The following IGSF10 variants were observed in gnomAD, a reference collection of about 807,000 sequenced individuals.
IGSF10 encodes calvaria mechanical force protein 608.
Under a neutral mutation model 128.2 loss-of-function variants are expected in IGSF10, and 126 were observed. The observed-to-expected ratio is 0.98, with a 90% CI of 0.85 to 1.14. IGSF10 has a LOEUF of 1.14. Among genes scored for constraint, IGSF10 ranks in the 50% most tolerant of loss-of-function variants. The probability of loss-of-function intolerance (pLI) is 0.00; values close to 1 mark genes in which losing one functional copy is unlikely to be tolerated. For synonymous variants in IGSF10, 1,185 were observed against 1,146.2 expected, an observed-to-expected ratio of 1.03 and a Z score of -0.68; for missense variants, 3,295 against 3,149.8, an observed-to-expected ratio of 1.05 and a Z score of -1.10.
At chr3:151,479,394 GTAAT>G in the IGSF10 span, among the ~76,000 whole-genome samples, 77,373 of 151,444 alleles carry the variant, frequency 0.51, 20,174 homozygotes, top group South Asian at 0.62. Flanking sequence ...CTCTTTTTGG[GTAAT>G]TAATTAATTA....
the IGSF10 span, among the ~76,000 whole-genome samples, chr3:151,469,000 T>G: frequency 6.6e-6 from 1 of 152,254 alleles, no homozygotes. Context: ...TGGTTTTCTC[T>G]TCCTGCATTA....
At chr3:151,503,620 G>A in the IGSF10 span, among the ~76,000 whole-genome samples, 1 of 152,048 alleles carries the variant, frequency 6.6e-6, no homozygotes, top group Non-Finnish European at 1.5e-5. Context: ...CATTTTAAAT[G>A]CCCAGTGGGT....
rs1158964301 is a variant in IGSF10 at position 151,448,539 on chromosome 3, G to A, written c.1442C>T (p.Thr481Ile). 3.1e-6 allele frequency: 5 copies of A among 1,614,100 alleles called. No homozygotes were observed. In the Admixed American group the frequency reaches 6.7e-5, roughly 22 times the overall value. ...TACCAAGACAGTATGTTCCAGCTTA[G>A]TATTGTTATCCCTTGAAATCATAGT... is the stretch of plus-strand genomic sequence containing the variant. The part of the protein sequence containing the change: ...KWTMISRDNN[T>I]KLEHTVLVGG... Residue 481 changes from threonine to isoleucine, a missense_variant, in exon 6 of 8, where the codon ACT becomes ATT. By Grantham distance (89) the Thr-to-Ile change is moderately conservative. Coordinates refer to ENST00000282466, the MANE Select transcript of IGSF10 (RefSeq NM_178822.5).
At position 151,449,378 on chromosome 3, in the gene IGSF10, T is replaced by TC. The variant is rs1478079080; in HGVS notation, c.716-114dup. 4 of 1,061,754 alleles carry TC rather than the reference T, an allele frequency of 3.8e-6. No individual in the cohort carries two copies. In the African/African-American group the frequency reaches 6.4e-5, roughly 17 times the overall value. The allele number at this position is 1,061,754 out of a possible 1,614,324, so 65.8% of individuals were successfully genotyped here. The stretch of plus-strand genomic sequence containing the variant: ...TGAAACAATTTGGAAATTTTAGTGT[T>TC]CAATGGAAAGTTTTCTGATTTTTTG... On this transcript the variant is annotated intron_variant, in intron 5 of 7. Coordinates refer to ENST00000282466, the MANE Select transcript of IGSF10 (RefSeq NM_178822.5).
the IGSF10 span, among the ~76,000 whole-genome samples, chr3:151,506,501 G>A: frequency 6.6e-6 from 1 of 152,070 alleles, no homozygotes; most frequent in Admixed American, 6.6e-5. Context: ...AAAGATTTCT[G>A]CCTATGTATA....
At chr3:151,509,020 C>T in the IGSF10 span, among the ~76,000 whole-genome samples, 2 of 152,142 alleles carry the variant, frequency 1.3e-5, no homozygotes, top group Admixed American at 1.3e-4. Context: ...AACTCTGATG[C>T]AGCGTCTGAA....
At chr3:151,580,470 C>G in the IGSF10 span, among the ~76,000 whole-genome samples, 2 of 152,222 alleles carry the variant, frequency 1.3e-5, no homozygotes, top group South Asian at 4.1e-4. Flanking sequence ...AGATAATTCA[C>G]TATTTACAAA....
At chr3:151,579,647 A>T in the IGSF10 span, among the ~76,000 whole-genome samples, 1 of 151,990 alleles carries the variant, frequency 6.6e-6, no homozygotes, top group Admixed American at 6.6e-5. Context: ...GGGCAATGTC[A>T]TATGGTCTAA....
the IGSF10 span, among the ~76,000 whole-genome samples, chr3:151,554,611 A>C: frequency 6.6e-6 from 1 of 152,122 alleles, no homozygotes; most frequent in African/African-American, 2.4e-5. Flanking sequence ...AGTGGTTATA[A>C]AGTCACATTA....
At chr3:151,515,799 A>G in the IGSF10 span, among the ~76,000 whole-genome samples, 7 of 151,004 alleles carry the variant, frequency 4.6e-5, no homozygotes, top group Admixed American at 2.0e-4. Context: ...TATGACCAGT[A>G]TTTGGTTTGT....
chr3:151,460,393 A>C (rs1014466252), intron 1 of IGSF10, 46 bp from the exon 2 acceptor site: 1 of 649,814 alleles, frequency 1.5e-6, no homozygotes. Context: ...AAAAAGCCTT[A>C]TTCTTTTTGG....
At chr3:151,511,797 AAGG>A in the IGSF10 span, among the ~76,000 whole-genome samples, 1 of 152,222 alleles carries the variant, frequency 6.6e-6, no homozygotes, top group Non-Finnish European at 1.5e-5. Flanking sequence ...AAACAAAAAA[AAGG>A]AGAAGTTGTA....
In IGSF10 at chr3:151,448,317, T is replaced by G; in HGVS notation, c.1664A>C (p.Asn555Thr). 6.2e-7 allele frequency: 1 copy of G among 1,614,256 alleles called. No homozygotes were observed. Among genetic ancestry groups the G allele is most frequent in the Non-Finnish European group, 8.5e-7 (1 of 1,180,038 alleles). The change falls in exon 6 of 8, where the codon AAT (asparagine) becomes ACT (threonine). Residue 555 changes from asparagine (N) to threonine (T), a missense_variant. Coordinates refer to ENST00000282466, the MANE Select transcript of IGSF10 (RefSeq NM_178822.5). The part of the protein sequence containing the change: ...DTGVYHCISS[N>T]YDDADILTYR... The stretch of plus-strand genomic sequence containing the variant: ...GGTGAGAATATCTGCATCATCATAA[T>G]TGCTGCTTATACAGTGATATACGCC...
upstream of IGSF10, among the ~76,000 whole-genome samples, chr3:151,465,557 A>C (rs1305751496): frequency 6.6e-6 from 1 of 152,354 alleles, no homozygotes; most frequent in East Asian, 1.9e-4. Context: ...CTTCTTTTTA[A>C]TGAAAAGACA....
At chr3:151,568,341 A>G in the IGSF10 span, among the ~76,000 whole-genome samples, 1 of 152,158 alleles carries the variant, frequency 6.6e-6, no homozygotes, top group Non-Finnish European at 1.5e-5. Flanking sequence ...ACACTGTGCA[A>G]ACCAAAATCC....
the IGSF10 span, chr3:151,566,071 A>C: frequency 6.5e-6 from 1 of 153,272 alleles, no homozygotes; most frequent in Non-Finnish European, 1.5e-5. Context: ...ATGTTTAATG[A>C]GAGGCTTATA....
the IGSF10 span, among the ~76,000 whole-genome samples, chr3:151,591,644 G>A: frequency 6.6e-6 from 1 of 151,912 alleles, no homozygotes; most frequent in African/African-American, 2.4e-5. Flanking sequence ...AAGGGCTAAA[G>A]TGCAAAGTTC....
At chr3:151,572,021 T>A in the IGSF10 span, among the ~76,000 whole-genome samples, 1 of 152,154 alleles carries the variant, frequency 6.6e-6, no homozygotes, top group South Asian at 2.1e-4. Context: ...ACGGATTACG[T>A]TTATTGGTTT....
the IGSF10 span, among the ~76,000 whole-genome samples, chr3:151,557,318 A>C: frequency 6.6e-6 from 1 of 152,168 alleles, no homozygotes; most frequent in African/African-American, 2.4e-5. Flanking sequence ...CCTGAAGAAC[A>C]GACAGTTGTC....
Sources: allele counts gnomAD v4.1 joint callset (sites outside exome capture counted in the v4.1 genomes callset), GRCh38; gene constraint gnomAD v4.1.1; transcripts MANE v1.5; gene names NCBI Gene and HGNC (gene_info 2026-07-23, HGNC 2026-07-21).